Variants in AHI1 observed in about 807,000 individuals in gnomAD.
AHI1 encodes the protein jouberin.
A neutral mutation model predicts 149.3 loss-of-function variants in AHI1; 123 were observed. The ratio of observed to expected loss-of-function variants is 0.82; its 90% CI spans 0.71 to 0.96. The LOEUF is 0.96. Among genes scored for constraint, AHI1 ranks in the 40% least tolerant of loss-of-function variants. The pLI, the probability that AHI1 is intolerant of heterozygous loss-of-function variation, is 0.00. For missense variants in AHI1, 1,439 were observed against 1,422.7 expected (o/e 1.01, Z -0.18); for synonymous variants, 475 against 459.8 (o/e 1.03, Z -0.42).
intron 4 of AHI1, 140 bp from the exon 5 acceptor site, chr6:135,490,887 C>T: frequency 9.2e-7 from 1 of 1,081,764 alleles, no homozygotes; most frequent in Non-Finnish European, 1.3e-6. Context: ...ACCTATCTTT[C>T]CTTCTTAAAA....
intron 23 of AHI1, among the ~76,000 whole-genome samples, chr6:135,374,108 A>T (rs199498386): frequency 1.1e-3 from 53 of 49,792 alleles, no homozygotes; most frequent in Non-Finnish European, 1.6e-3. Flanking sequence ...ATATATATAT[A>T]TTTTTTTTTT....
At chr6:135,293,421 A>AAAAAAAAG (rs1562444590) in intron 27 of AHI1, among the ~76,000 whole-genome samples, 1 of 134,374 alleles carries the variant, frequency 7.4e-6, no homozygotes, top group African/African-American at 2.7e-5. Context: ...AAAAAAAAAA[A>AAAAAAAAG]AAAGAAAAAA....
intron 7 of AHI1, among the ~76,000 whole-genome samples, chr6:135,464,149 T>A (rs1306239481): frequency 6.6e-6 from 1 of 151,710 alleles, no homozygotes; most frequent in African/African-American, 2.4e-5. Flanking sequence ...ATGTAAATAA[T>A]AAAAAATTAA....
chr6:135,430,067 A>C (rs1485786761), intron 17 of AHI1, 67 bp from the exon 18 acceptor site: 11 of 801,138 alleles, frequency 1.4e-5, no homozygotes, highest in Non-Finnish European at 2.0e-5. Context: ...TTGGGGGTAC[A>C]AAATTAATCT....
At chr6:135,497,122 T>A (rs1796078498) in intron 2 of AHI1, 66 bp downstream of exon 2, 2 of 152,238 alleles carry the variant, frequency 1.3e-5, no homozygotes, top group Non-Finnish European at 2.9e-5. Context: ...TTTGTTCTAT[T>A]TTTATGCATC....
chr6:135,437,513 C>T (rs182398816), intron 15 of AHI1, among the ~76,000 whole-genome samples: 40 of 152,144 alleles, frequency 2.6e-4, no homozygotes, highest in African/African-American at 9.2e-4. Context: ...TAAAAACTAA[C>T]CAATAATGGT....
At chr6:135,477,047 T>C (rs981288452) in intron 5 of AHI1, among the ~76,000 whole-genome samples, 1 of 151,880 alleles carries the variant, frequency 6.6e-6, no homozygotes, top group African/African-American at 2.4e-5. Flanking sequence ...CTTTTTTTTT[T>C]TCTTTTTTTT....
intron 25 of AHI1, among the ~76,000 whole-genome samples, chr6:135,321,405 G>C (rs1786807480): frequency 6.6e-6 from 1 of 152,214 alleles, no homozygotes; most frequent in African/African-American, 2.4e-5. Flanking sequence ...GAACTTTTTA[G>C]GGGAGGAGTC....
chr6:135,450,578 T>G (rs897167863), intron 11 of AHI1, among the ~76,000 whole-genome samples: 2 of 152,190 alleles, frequency 1.3e-5, no homozygotes, highest in Admixed American at 6.5e-5. Context: ...TCATAAGCAC[T>G]CGAGACTCCC....
At chr6:135,341,839 A>C (rs890089401) in intron 24 of AHI1, among the ~76,000 whole-genome samples, 1 of 151,978 alleles carries the variant, frequency 6.6e-6, no homozygotes, top group African/African-American at 2.4e-5. Flanking sequence ...TATAGCTGTA[A>C]ATGTTTTTAT....
At chr6:135,294,299 C>T (rs777494517) in intron 27 of AHI1, among the ~76,000 whole-genome samples, 10 of 151,890 alleles carry the variant, frequency 6.6e-5, no homozygotes, top group Non-Finnish European at 1.3e-4. Flanking sequence ...GCACTCCAGC[C>T]CGGGTGACAG....
At chr6:135,421,082 G>T (rs1783082587) in intron 20 of AHI1, among the ~76,000 whole-genome samples, 1 of 152,134 alleles carries the variant, frequency 6.6e-6, no homozygotes, top group Admixed American at 6.6e-5. Flanking sequence ...GCTGGTGGGT[G>T]GGGCAGTCAG....
chr6:135,420,385 C>A (rs1463195544), intron 20 of AHI1, among the ~76,000 whole-genome samples: 1 of 152,136 alleles, frequency 6.6e-6, no homozygotes, highest in East Asian at 1.9e-4. Flanking sequence ...TGATCCATGT[C>A]TTCTCCTCTT....
intron 17 of AHI1, 125 bp from the exon 18 acceptor site, chr6:135,430,125 A>G: frequency 1.8e-6 from 1 of 564,310 alleles, no homozygotes; most frequent in East Asian, 3.0e-5. Flanking sequence ...TAAAATTGTT[A>G]GCAAAAGGAT....
At chr6:135,483,037 G>A (rs1207642406) in intron 5 of AHI1, among the ~76,000 whole-genome samples, 5 of 150,740 alleles carry the variant, frequency 3.3e-5, no homozygotes, top group African/African-American at 7.3e-5. Context: ...GACTACAGCT[G>A]CCTGCCACCA....
intron 26 of AHI1, among the ~76,000 whole-genome samples, chr6:135,313,277 T>C (rs769498014): frequency 6.6e-5 from 10 of 152,222 alleles, no homozygotes; most frequent in Non-Finnish European, 1.2e-4. Flanking sequence ...AAAAAATATA[T>C]GCAGGATTCT....
intron 27 of AHI1, among the ~76,000 whole-genome samples, chr6:135,299,434 C>T (rs1344555026): frequency 2.0e-5 from 3 of 152,096 alleles, no homozygotes; most frequent in Middle Eastern, 3.2e-3. Flanking sequence ...TGTCTGTGTG[C>T]ATGTGTGAGT....
chr6:135,290,913 AACACACACACACACACACACAC>A (rs574033007), intron 27 of AHI1, among the ~76,000 whole-genome samples: 1 of 146,178 alleles, frequency 6.8e-6, no homozygotes, highest in Non-Finnish European at 1.5e-5. Flanking sequence ...AACACACACA[AACACACACACACACACACACAC>A]ACACACAAAA....
intron 26 of AHI1, chr6:135,302,507 A>G (rs537042446): frequency 1.4e-5 from 14 of 1,016,334 alleles, no homozygotes; most frequent in Non-Finnish European, 1.6e-5. Context: ...TATGTTAAAC[A>G]TGGTCCCTGC....
Sources: gnomAD v4.1 joint callset for allele counts (sites outside exome capture counted in the v4.1 genomes callset) on GRCh38, gnomAD v4.1.1 for gene constraint, MANE v1.5 for transcripts, NCBI Gene and HGNC (gene_info 2026-07-23, HGNC 2026-07-21) for gene names.